The following EMILIN1 variants were observed in gnomAD, a reference collection of about 807,000 sequenced individuals.
EMILIN1 encodes elastin microfibril interfacer 1, also known as EMILIN-1.
A neutral mutation model predicts 82.4 loss-of-function variants in EMILIN1; 49 were observed. The ratio of observed to expected loss-of-function variants is 0.59; its 90% CI spans 0.47 to 0.75. EMILIN1 has a LOEUF of 0.75. Ranked by LOEUF, EMILIN1 falls within the 30% of genes least tolerant of loss-of-function variation. EMILIN1 has a pLI of 0.00. For missense variants in EMILIN1, 1,313 were observed against 1,366.4 expected (o/e 0.96, Z 0.62); for synonymous variants, 604 against 602.2 (o/e 1.00, Z -0.04).
chr2:27,084,280 C>G lies in EMILIN1; in HGVS notation c.2441-135C>G. 5.6e-6 allele frequency: 4 copies of G among 717,248 alleles called. No homozygotes were observed. In the East Asian group the frequency reaches 9.9e-5, roughly 18 times the overall value. 44.4% of individuals were successfully genotyped at this position (717,248 alleles called of 1,614,324 possible). ...GGATCCAGCATATGCAGCAAGGGAC[C>G]CCATGGCCCCCTCAGCCTGCAAAGC... On this transcript the variant is annotated intron_variant, in intron 4 of 7. Coordinates refer to ENST00000380320, the MANE Select transcript of EMILIN1 (RefSeq NM_007046.4).
chr2:27,083,411 G>T lies in EMILIN1; in HGVS notation c.1840G>T (p.Ala614Ser), dbSNP rs773043123. The T allele has an allele frequency of 6.8e-6, 11 of 1,612,080 alleles. No individual in the cohort carries two copies. Among genetic ancestry groups the T allele is most frequent in the Non-Finnish European group, 8.5e-6 (10 of 1,179,972 alleles). The change falls in exon 4 of 8, where the codon GCT (alanine) becomes TCT (serine). Residue 614 changes from alanine to serine, a missense_variant. Coordinates refer to ENST00000380320, the MANE Select transcript of EMILIN1 (RefSeq NM_007046.4). ...CPLLPPRGPG[A>S]GPGVGGPSRG... ...CCTGTTGCCTCCTCGGGGTCCTGGG[G>T]CTGGTCCAGGTGTTGGGGGCCCAAG...
In EMILIN1 at chr2:27,078,817, C is replaced by G; in HGVS notation, c.-249C>G. 1 of 444,228 alleles carries G rather than the reference C, an allele frequency of 2.3e-6. No individual in the cohort carries two copies. The highest frequency in any genetic ancestry group is 4.0e-6 in the Non-Finnish European group (1 of 251,248). 27.5% of individuals were successfully genotyped at this position (444,228 alleles called of 1,614,324 possible). The stretch of plus-strand genomic sequence containing the variant: ...AGAGGGGGCACAGAGAACAAACCCC[C>G]TCAGAAGTGAAGAGGAGAGCGGAAG... On this transcript the variant is annotated 5_prime_UTR_variant, in exon 1 of 8. Coordinates refer to ENST00000380320, the MANE Select transcript of EMILIN1 (RefSeq NM_007046.4).
Position 27,083,937 on chromosome 2 carries a change from G to A in EMILIN1, c.2366G>A (p.Arg789Gln), listed in dbSNP as rs566620372. 42 of 1,592,948 alleles carry A rather than the reference G, an allele frequency of 2.6e-5. No individual in the cohort carries two copies. The highest frequency in any genetic ancestry group is 1.7e-4 in the Middle Eastern group (1 of 5,996). The change falls in exon 4 of 8, where the codon CGG becomes CAG. Residue 789 changes from arginine to glutamine, a missense_variant. Coordinates refer to ENST00000380320, the MANE Select transcript of EMILIN1 (RefSeq NM_007046.4). ...GGGGGACAGGCGGGCCTGGGCAGGC[G>A]GCTGGGTGCCCTTAACAGCTCCCTG... ...LVGGQAGLGR[R>Q]LGALNSSLQL...
In EMILIN1 at chr2:27,083,826, C is replaced by T; in HGVS notation, c.2255C>T (p.Ser752Phe). 7.5e-6 allele frequency: 12 copies of T among 1,598,444 alleles called. No individual in the cohort carries two copies. Among genetic ancestry groups the T allele is most frequent in the Non-Finnish European group, 1.0e-5 (12 of 1,168,128 alleles). The change falls in exon 4 of 8, where the codon TCC becomes TTC. Residue 752 changes from serine (S) to phenylalanine (F), a missense_variant. Physicochemically the swap from Ser to Phe is radical, Grantham distance 155 (BLOSUM62 -2). Coordinates refer to ENST00000380320, the MANE Select transcript of EMILIN1 (RefSeq NM_007046.4). Reference protein sequence around the residue: ...GGLQGLREGLSRHVAGLWAGL... With the variant: ...GGLQGLREGLFRHVAGLWAGL... ...CTGCAGGGCCTGCGCGAGGGCCTTT[C>T]CAGACACGTGGCTGGGCTCTGGGCT...
In EMILIN1 at chr2:27,085,880, C is replaced by T; in HGVS notation, c.2916C>T (p.Ser972=). The T allele has an allele frequency of 6.3e-7, 1 of 1,583,278 alleles. No individual in the cohort carries two copies. Among genetic ancestry groups the T allele is most frequent in the Non-Finnish European group, 8.6e-7 (1 of 1,162,804 alleles). Residue 972 remains serine, a synonymous_variant, in exon 8 of 8, where the codon AGC becomes AGT. Coordinates refer to ENST00000380320, the MANE Select transcript of EMILIN1 (RefSeq NM_007046.4). ...GCCCGGGCACCCTGGGCGTCTTCAG[C>T]CTCATCCTGCCGCTGCAGGCCGGGG... ...QPSPGTLGVF[S]LILPLQAGDT...
In EMILIN1 at chr2:27,082,968, T is replaced by G. The variant is rs754865997; in HGVS notation, c.1397T>G (p.Leu466Arg). The part of the protein sequence containing the change: ...VSGELGGRLD[L>R]LEEQVAGAMQ... ...GGGGAGCTGGGGGGGCGGTTGGATC[T>G]GTTGGAGGAGCAGGTGGCAGGGGCC... Residue 466 changes from leucine to arginine, a missense_variant, in exon 4 of 8, where the codon CTG (leucine) becomes CGG (arginine). Leu to Arg is a moderately radical substitution (Grantham distance 102). Coordinates refer to ENST00000380320, the MANE Select transcript of EMILIN1 (RefSeq NM_007046.4). 5.7e-6 allele frequency: 9 copies of G among 1,583,054 alleles called. No homozygotes were observed. Among genetic ancestry groups the G allele is most frequent in the East Asian group, 2.2e-5 (1 of 44,520 alleles).
At chr2:27,080,028 C>A in intron 1 of EMILIN1, 123 bp from the exon 2 acceptor site, 1 of 1,103,300 alleles carries the variant, frequency 9.1e-7, no homozygotes, top group Non-Finnish European at 1.3e-6. Flanking sequence ...AAAGCCCTTG[C>A]TCTCACTGAT....
intron 3 of EMILIN1, 90 bp downstream of exon 3, chr2:27,081,042 C>T (rs1313082207): frequency 3.0e-6 from 3 of 1,010,116 alleles, no homozygotes; most frequent in Non-Finnish European, 1.5e-6. Context: ...GGGGGAGTCC[C>T]CCGTGCTCTA....
chr2:27,086,168 C>A lies in EMILIN1; in HGVS notation c.*153C>A. On this transcript the variant is annotated 3_prime_UTR_variant, in exon 8 of 8. Coordinates refer to ENST00000380320, the MANE Select transcript of EMILIN1 (RefSeq NM_007046.4). Reference sequence around the variant, plus strand: ...GCGCCCAGAGCGGCCTCTCCCCACGCCCGGGGCGCGCCGGCTCAGGGAGGC... The same window carrying A: ...GCGCCCAGAGCGGCCTCTCCCCACGACCGGGGCGCGCCGGCTCAGGGAGGC... 2.0e-6 allele frequency: 1 copy of A among 498,924 alleles called. No homozygotes were observed. The highest frequency in any genetic ancestry group is 3.2e-6 in the Non-Finnish European group (1 of 316,020). The allele number at this position is 498,924 out of a possible 1,614,324, so 30.9% of individuals were successfully genotyped here.
At position 27,082,413 on chromosome 2, in the gene EMILIN1, C is replaced by T; in HGVS notation, c.842C>T (p.Ser281Leu). ...GGCAGCAGGGCCCCAGCCCCAGCCT[C>T]AGCCCCTCCGGGCCCCAGTGAGGAG... is the stretch of plus-strand genomic sequence containing the variant. Reference protein sequence around the residue: ...SGGSRAPAPASAPPGPSEELL... With the variant: ...SGGSRAPAPALAPPGPSEELL... Residue 281 changes from serine to leucine, a missense_variant, in exon 4 of 8, where the codon TCA (serine) becomes TTA (leucine). By Grantham distance (145) the Ser-to-Leu change is moderately radical. Coordinates refer to ENST00000380320, the MANE Select transcript of EMILIN1 (RefSeq NM_007046.4). The T allele has an allele frequency of 6.2e-7, 1 of 1,606,110 alleles. No homozygotes were observed. The highest frequency in any genetic ancestry group is 8.5e-7 in the Non-Finnish European group (1 of 1,177,956).
chr2:27,078,998 C>T lies in EMILIN1; in HGVS notation c.-68C>T, dbSNP rs1246822849. The T allele has an allele frequency of 2.1e-5, 27 of 1,283,884 alleles. No individual in the cohort carries two copies. In the East Asian group the frequency reaches 4.0e-4, roughly 19 times the overall value. 79.5% of individuals were successfully genotyped at this position (1,283,884 alleles called of 1,614,324 possible). ...CTGTCCTGTGGAGCAGCAGCATCCC[C>T]GGGGCCGGCAGAGGCGCCAGTGGCT... On this transcript the variant is annotated 5_prime_UTR_variant, in exon 1 of 8. Coordinates refer to ENST00000380320, the MANE Select transcript of EMILIN1 (RefSeq NM_007046.4).
chr2:27,080,325 G>A, intron 2 of EMILIN1, 55 bp downstream of exon 2: 2 of 1,602,738 alleles, frequency 1.2e-6, no homozygotes, highest in Non-Finnish European at 8.5e-7. Context: ...GAGGGCAGAT[G>A]GTGGGTGGCT....
Position 27,082,797 on chromosome 2 carries a change from G to A in EMILIN1, c.1226G>A (p.Arg409His), listed in dbSNP as rs777046399. Residue 409 changes from arginine (R) to histidine (H), a missense_variant, in exon 4 of 8, where the codon CGC becomes CAC. Physicochemically the swap from Arg to His is conservative, Grantham distance 29. Coordinates refer to ENST00000380320, the MANE Select transcript of EMILIN1 (RefSeq NM_007046.4). Reference sequence around the variant, plus strand: ...ACCAGCTTGGCCTCCCGCCTGTCTCGCCTGGAGGACCGCTTCAACTCCACC... The same window carrying A: ...ACCAGCTTGGCCTCCCGCCTGTCTCACCTGGAGGACCGCTTCAACTCCACC... Reference protein sequence around the residue: ...GYTSLASRLSRLEDRFNSTLG... With the variant: ...GYTSLASRLSHLEDRFNSTLG... 12 of 1,549,726 alleles carry A rather than the reference G, an allele frequency of 7.7e-6. No homozygotes were observed. The highest frequency in any genetic ancestry group is 1.2e-5 in the South Asian group (1 of 85,230).
rs1221886674 is a variant in EMILIN1, at chr2:27,082,730, C to G, written c.1159C>G (p.Leu387Val). The change falls in exon 4 of 8, where the codon CTG becomes GTG. Residue 387 changes from leucine (L) to valine (V), a missense_variant. Physicochemically the swap from Leu to Val is conservative, Grantham distance 32. Coordinates refer to ENST00000380320, the MANE Select transcript of EMILIN1 (RefSeq NM_007046.4). Reference sequence around the variant, plus strand: ...GCTGAGTGGGCGGCGAGGCACAGAGCTGGGAGGAGCCGCGGGGCAGGGAGG... The same window carrying G: ...GCTGAGTGGGCGGCGAGGCACAGAGGTGGGAGGAGCCGCGGGGCAGGGAGG... ...TVLSGRRGTELGGAAGQGGHP... is the reference protein window; with the variant it reads ...TVLSGRRGTEVGGAAGQGGHP... 5 of 1,546,822 alleles carry G rather than the reference C, an allele frequency of 3.2e-6. No homozygotes were observed. The highest frequency in any genetic ancestry group is 4.3e-6 in the Non-Finnish European group (5 of 1,151,438).
chr2:27,085,430 A>C, intron 7 of EMILIN1, 133 bp downstream of exon 7: 1 of 1,159,736 alleles, frequency 8.6e-7, no homozygotes, highest in Non-Finnish European at 1.2e-6. Flanking sequence ...CTCTTTCTTC[A>C]TTTATTCATT....
In EMILIN1 at chr2:27,084,584, C is replaced by T. The variant is rs191061553; in HGVS notation, c.2557+53C>T. The T allele has an allele frequency of 6.3e-4, 688 of 1,085,554 alleles. 4 individuals carry two copies. The Admixed American group carries it at 0.011, about 18-fold the overall frequency. 67.2% of individuals were successfully genotyped at this position (1,085,554 alleles called of 1,614,324 possible). ...TCAGGGTTGCCACTGCCCCCTCCAACCCTGACCCCCGCTGGCAGCCCCAGG... is the reference window on the plus strand; with the variant it reads ...TCAGGGTTGCCACTGCCCCCTCCAATCCTGACCCCCGCTGGCAGCCCCAGG... On this transcript the variant is annotated intron_variant, in intron 5 of 7. Transcript: ENST00000380320.
intron 3 of EMILIN1, among the ~76,000 whole-genome samples, chr2:27,081,877 G>A (rs1669482173): frequency 6.6e-6 from 1 of 152,230 alleles, no homozygotes; most frequent in Admixed American, 6.5e-5. Context: ...TATCTCCCCA[G>A]GGGAGTTATT....
In EMILIN1 at chr2:27,084,014, G is replaced by A. The variant is rs761556818; in HGVS notation, c.2440+3G>A. The A allele has an allele frequency of 1.3e-6, 2 of 1,484,948 alleles. No homozygotes were observed. The highest frequency in any genetic ancestry group is 2.8e-5 in the South Asian group (2 of 71,162). 92.0% of individuals were successfully genotyped at this position (1,484,948 alleles called of 1,614,324 possible). A position where few individuals can be genotyped will look rare whatever the true frequency, so the allele number is the denominator to read the frequency against. ...GCTCAGCCTGAAGGACCTCACTGGTGAGGGGACAAAAGGCATGAGGGGACC... is the reference window on the plus strand; with the variant it reads ...GCTCAGCCTGAAGGACCTCACTGGTAAGGGGACAAAAGGCATGAGGGGACC... On this transcript the variant is annotated splice_donor_region_variant and intron_variant, in intron 4 of 7. Transcript: ENST00000380320.
rs748766902 is a variant in EMILIN1 at position 27,082,849 on chromosome 2, G to C, written c.1278G>C (p.Glu426Asp). 10 of 1,581,268 alleles carry C rather than the reference G, an allele frequency of 6.3e-6. No homozygotes were observed. Among genetic ancestry groups the C allele is most frequent in the Non-Finnish European group, 8.5e-6 (10 of 1,171,990 alleles). Residue 426 changes from glutamate (E) to aspartate (D), a missense_variant, in exon 4 of 8, where the codon GAG becomes GAC. Glu to Asp is a conservative substitution (Grantham distance 45). Coordinates refer to ENST00000380320, the MANE Select transcript of EMILIN1 (RefSeq NM_007046.4). ...STLGPSEEQE[E>D]SWPGAPGGLS... ...TGGGCCCTTCGGAGGAGCAGGAGGA[G>C]AGCTGGCCTGGGGCTCCTGGGGGGC...
Sources: gnomAD v4.1 joint callset for allele counts (sites outside exome capture counted in the v4.1 genomes callset) on GRCh38, gnomAD v4.1.1 for gene constraint, MANE v1.5 for transcripts, NCBI Gene and HGNC (gene_info 2026-07-23, HGNC 2026-07-21) for gene names.